Variants in HYCC2 observed in about 807,000 individuals in gnomAD.
HYCC2 encodes the protein hyccin PI4KA lipid kinase complex subunit 2.
chr2:201,008,886 G>C, the HYCC2 span: 109 of 851,778 alleles, frequency 1.3e-4, no homozygotes, highest in Admixed American at 2.1e-3. Context: ...CTGGGTGACA[G>C]AGTGAGACTC....
chr2:201,033,196 T>TGTGTGAGAGAGA, the HYCC2 span, among the ~76,000 whole-genome samples: 1 of 106,210 alleles, frequency 9.4e-6, no homozygotes, highest in Admixed American at 9.3e-5. Context: ...TGTGTGTGTG[T>TGTGTGAGAGAGA]GAGAGAGAGA....
chr2:201,049,701 A>C, the HYCC2 span, among the ~76,000 whole-genome samples: 1 of 152,080 alleles, frequency 6.6e-6, no homozygotes, highest in South Asian at 2.1e-4. Context: ...GCCACAAGAG[A>C]AGTTTCAACA....
chr2:201,022,213 G>A, the HYCC2 span: 3,607 of 569,620 alleles, frequency 6.3e-3, 18 homozygotes, highest in Non-Finnish European at 8.6e-3. Context: ...ATACTACTGT[G>A]TTAATGGAAA....
At chr2:200,992,317 A>G in the HYCC2 span, 3 of 1,612,336 alleles carry the variant, frequency 1.9e-6, no homozygotes, top group East Asian at 6.7e-5. Flanking sequence ...GCTGGGCTCT[A>G]TAAATGATAT....
chr2:201,033,190 T>TGAGAGA, the HYCC2 span, among the ~76,000 whole-genome samples: 3 of 142,220 alleles, frequency 2.1e-5, no homozygotes, highest in Non-Finnish European at 3.0e-5. Flanking sequence ...TGTGTGTGTG[T>TGAGAGA]GTGTGTGAGA....
At chr2:201,030,474 AAT>A in the HYCC2 span, among the ~76,000 whole-genome samples, 28 of 152,234 alleles carry the variant, frequency 1.8e-4, 1 homozygote, top group Admixed American at 5.2e-4. Context: ...TATGTAGGTA[AAT>A]ATGTTATTTA....
the HYCC2 span, among the ~76,000 whole-genome samples, chr2:200,991,130 A>C: frequency 1.3e-5 from 2 of 152,222 alleles, no homozygotes; most frequent in African/African-American, 4.8e-5. Flanking sequence ...ACTGCTGAAA[A>C]TATGTTTCTC....
the HYCC2 span, among the ~76,000 whole-genome samples, chr2:201,041,137 C>T: frequency 6.6e-6 from 1 of 152,136 alleles, no homozygotes; most frequent in Non-Finnish European, 1.5e-5. Flanking sequence ...TAAGTGTTTG[C>T]TATAAGCATT....
chr2:200,995,522 G>A, the HYCC2 span, among the ~76,000 whole-genome samples: 3 of 152,326 alleles, frequency 2.0e-5, no homozygotes, highest in South Asian at 6.2e-4. Flanking sequence ...TCTTGCTGGA[G>A]TCTCACTCCT....
the HYCC2 span, among the ~76,000 whole-genome samples, chr2:201,049,588 C>T: frequency 1.3e-5 from 2 of 151,828 alleles, no homozygotes; most frequent in African/African-American, 4.8e-5. Context: ...CCTCTGACCT[C>T]GTGATCCACC....
At chr2:201,026,975 T>G in the HYCC2 span, among the ~76,000 whole-genome samples, 2 of 151,982 alleles carry the variant, frequency 1.3e-5, no homozygotes, top group African/African-American at 4.8e-5. Context: ...AGAGCAGAAC[T>G]GAGGAGATAG....
At chr2:200,991,896 C>A in the HYCC2 span, among the ~76,000 whole-genome samples, 78 of 151,854 alleles carry the variant, frequency 5.1e-4, no homozygotes, top group South Asian at 0.012. Context: ...AACAAAAAAA[C>A]CCCCAAAATC....
At chr2:200,992,514 C>T in the HYCC2 span, 2 of 666,772 alleles carry the variant, frequency 3.0e-6, no homozygotes, top group Admixed American at 5.7e-5. Flanking sequence ...AACTATCCCA[C>T]TTTTGGTTAT....
the HYCC2 span, among the ~76,000 whole-genome samples, chr2:200,990,569 ATTT>A: frequency 2.7e-5 from 4 of 147,856 alleles, no homozygotes; most frequent in Admixed American, 6.8e-5. Flanking sequence ...ATCCCGCTAA[ATTT>A]TTTTTTCTTT....
the HYCC2 span, among the ~76,000 whole-genome samples, chr2:201,062,675 A>G: frequency 1.3e-5 from 2 of 149,830 alleles, no homozygotes; most frequent in African/African-American, 4.9e-5. Flanking sequence ...AACATTAGCC[A>G]GGAGTGGTAG....
chr2:200,977,212 C>T, the HYCC2 span: 1 of 152,068 alleles, frequency 6.6e-6, no homozygotes, highest in East Asian at 1.9e-4. Flanking sequence ...TTGTATTCAC[C>T]AACTACTAGA....
the HYCC2 span, among the ~76,000 whole-genome samples, chr2:200,991,198 G>A: frequency 6.6e-6 from 1 of 152,162 alleles, no homozygotes. Context: ...GGCCAGGCGT[G>A]GTAGCTCATG....
the HYCC2 span, among the ~76,000 whole-genome samples, chr2:200,986,613 T>C: frequency 6.2e-4 from 95 of 152,320 alleles, no homozygotes; most frequent in Non-Finnish European, 1.1e-3. Context: ...CATGTTGCGA[T>C]ACCTACATTG....
chr2:201,018,111 A>G, the HYCC2 span, among the ~76,000 whole-genome samples: 2 of 152,234 alleles, frequency 1.3e-5, no homozygotes, highest in East Asian at 1.9e-4. Context: ...TCAGTGTTCA[A>G]TTGGCTAATT....
Sources: allele counts gnomAD v4.1 joint callset (sites outside exome capture counted in the v4.1 genomes callset), GRCh38; gene constraint gnomAD v4.1.1; transcripts MANE v1.5; gene names NCBI Gene and HGNC (gene_info 2026-07-23, HGNC 2026-07-21).